Variants in TTC21B observed in about 807,000 individuals in gnomAD.
TTC21B encodes tetratricopeptide repeat protein 21B.
In TTC21B, 127 loss-of-function variants were observed where a neutral mutation model predicts 175.1. That is an observed-to-expected ratio of 0.73 (90% CI 0.63 to 0.84). TTC21B has a LOEUF of 0.84. Among genes scored for constraint, TTC21B ranks in the 40% least tolerant of loss-of-function variants. The pLI, the probability that TTC21B is intolerant of heterozygous loss-of-function variation, is 0.00. For synonymous variants in TTC21B, 524 were observed against 524.5 expected, an observed-to-expected ratio of 1.00 and a Z score of 0.01; for missense variants, 1,561 against 1,558.3, an observed-to-expected ratio of 1.00 and a Z score of -0.03.
At position 165,907,755 on chromosome 2, in the gene TTC21B, C is replaced by T. The variant is rs999498695; in HGVS notation, c.2491G>A (p.Gly831Arg). Reference protein sequence around the residue: ...VNELSALMEDGRCQVLLAKVY... With the variant: ...VNELSALMEDRRCQVLLAKVY... ...TTTGCTAGAAGAACTTGACAACGTC[C>T]ATCCTCCATGAGAGCTGACAGTTCA... The change falls in exon 19 of 29, where the codon GGA becomes AGA. Residue 831 changes from glycine to arginine, a missense_variant. Coordinates refer to ENST00000243344, the MANE Select transcript of TTC21B (RefSeq NM_024753.5). The T allele has an allele frequency of 2.5e-6, 4 of 1,612,850 alleles. No individual in the cohort carries two copies. The African/African-American group carries it at 4.0e-5, about 16-fold the overall frequency.
intron 6 of TTC21B, among the ~76,000 whole-genome samples, chr2:165,937,688 A>G (rs1687202547): frequency 6.6e-6 from 1 of 151,830 alleles, no homozygotes; most frequent in African/African-American, 2.4e-5. Flanking sequence ...AAAGAGAAAA[A>G]CAAGTTTAAA....
chr2:165,918,023 A>G lies in TTC21B; in HGVS notation c.1675-542T>C, dbSNP rs369023302. ...ATACAGAAAACATAAGAAAATGATA[A>G]AAATGAGGTGGGAAAAAGAAGTCAA... is the stretch of plus-strand genomic sequence containing the variant. On this transcript the variant is annotated intron_variant, in intron 13 of 28. Coordinates refer to ENST00000243344, the MANE Select transcript of TTC21B (RefSeq NM_024753.5). 1.4e-3 allele frequency among the ~76,000 whole-genome samples: 219 copies of G among 152,324 alleles called. No individual in the cohort carries two copies. In the South Asian group the frequency reaches 0.015, roughly 10 times the overall value.
chr2:165,924,930 A>G (rs1269131272), intron 11 of TTC21B, among the ~76,000 whole-genome samples: 1 of 149,748 alleles, frequency 6.7e-6, no homozygotes, highest in Non-Finnish European at 1.5e-5. Flanking sequence ...ATACAATTCT[A>G]AATGGATAAC....
chr2:165,899,983 G>T, intron 20 of TTC21B, 103 bp from the exon 21 acceptor site: 1 of 353,224 alleles, frequency 2.8e-6, no homozygotes, highest in Non-Finnish European at 5.5e-6. Flanking sequence ...AAAAGTCATT[G>T]CAATAAAATG....
intron 27 of TTC21B, among the ~76,000 whole-genome samples, chr2:165,877,639 C>T (rs893168308): frequency 6.6e-6 from 1 of 152,052 alleles, no homozygotes; most frequent in Non-Finnish European, 1.5e-5. Context: ...TCTAATGATG[C>T]ATATCTCAGA....
chr2:165,914,517 T>G (rs892148917), intron 15 of TTC21B, among the ~76,000 whole-genome samples: 1 of 152,180 alleles, frequency 6.6e-6, no homozygotes, highest in Non-Finnish European at 1.5e-5. Context: ...TTGAGTTTGA[T>G]ATAATATAGA....
At chr2:165,908,561 C>T (rs1685823244) in intron 18 of TTC21B, among the ~76,000 whole-genome samples, 1 of 152,098 alleles carries the variant, frequency 6.6e-6, no homozygotes, top group African/African-American at 2.4e-5. Context: ...CACGCCATGC[C>T]ACTTTACCAA....
chr2:165,903,526 T>C (rs1404969606), intron 19 of TTC21B, among the ~76,000 whole-genome samples: 1 of 152,178 alleles, frequency 6.6e-6, no homozygotes, highest in African/African-American at 2.4e-5. Context: ...CTGGTGTCAC[T>C]GTGAAGAACT....
At chr2:165,939,740 A>G (rs1350700487) in intron 6 of TTC21B, among the ~76,000 whole-genome samples, 3 of 152,110 alleles carry the variant, frequency 2.0e-5, no homozygotes, top group African/African-American at 4.8e-5. Flanking sequence ...CAAACTTACA[A>G]TGTTGAAAGC....
intron 19 of TTC21B, among the ~76,000 whole-genome samples, chr2:165,904,902 G>A (rs1351442386): frequency 6.6e-6 from 1 of 152,072 alleles, no homozygotes; most frequent in Admixed American, 6.5e-5. Context: ...GATCCTATCT[G>A]GGGAACAGTA....
Position 165,938,477 on chromosome 2 carries a change from A to T in TTC21B, c.710+2550T>A, listed in dbSNP as rs117563871. Among the ~76,000 whole-genome samples the T allele has an allele frequency of 3.2e-3, 493 of 152,296 alleles. 17 individuals are homozygous for T. The East Asian group carries it at 0.078, about 24-fold the overall frequency. On this transcript the variant is annotated intron_variant, in intron 6 of 28. Transcript: ENST00000243344. ...TTCTGTCACTGTGATGAAAGACAAC[A>T]GTACCACTCATGAAGTAATTGCCAA...
At chr2:165,939,383 T>A (rs940542253) in intron 6 of TTC21B, among the ~76,000 whole-genome samples, 1 of 152,220 alleles carries the variant, frequency 6.6e-6, no homozygotes, top group Non-Finnish European at 1.5e-5. Flanking sequence ...TTCTATGCAA[T>A]TTATACTTCA....
intron 27 of TTC21B, among the ~76,000 whole-genome samples, chr2:165,877,073 T>C (rs1374954479): frequency 6.6e-6 from 1 of 152,192 alleles, no homozygotes; most frequent in Non-Finnish European, 1.5e-5. Flanking sequence ...TGTTGTTCTC[T>C]TGTAACATGC....
rs762066756 is a variant in TTC21B at position 165,917,321 on chromosome 2, T to A, written c.1835A>T (p.Asp612Val). The A allele has an allele frequency of 6.2e-7, 1 of 1,614,230 alleles. No individual in the cohort carries two copies. The highest frequency in any genetic ancestry group is 1.7e-5 in the Admixed American group (1 of 60,024). ...TKSKDRKTEV[D>V]TSHRLSIFLE... is the part of the protein sequence containing the mutation. ...AAAGATCGATAAACGATGGCTTGTA[T>A]CAACTTCAGTTTTTCTGTCTTTTGA... Residue 612 changes from aspartate to valine, a missense_variant, in exon 14 of 29, where the codon GAT becomes GTT. Physicochemically the swap from Asp to Val is radical, Grantham distance 152. Coordinates refer to ENST00000243344, the MANE Select transcript of TTC21B (RefSeq NM_024753.5).
In TTC21B at chr2:165,907,671, T is replaced by C. The variant is rs1444522199; in HGVS notation, c.2568+7A>G. The C allele has an allele frequency of 2.5e-6, 4 of 1,577,682 alleles. No individual in the cohort carries two copies. In the Admixed American group the frequency reaches 5.0e-5, roughly 20 times the overall value. On this transcript the variant is annotated splice_region_variant and intron_variant, in intron 19 of 28. Coordinates refer to ENST00000243344, the MANE Select transcript of TTC21B (RefSeq NM_024753.5). ...TCATGACCACACTCACAGACAAATG[T>C]GTTTACCTGTTGTAATGCAGTGATC...
chr2:165,897,216 A>C (rs1388735431), intron 22 of TTC21B, among the ~76,000 whole-genome samples: 2 of 152,170 alleles, frequency 1.3e-5, no homozygotes, highest in Non-Finnish European at 2.9e-5. Flanking sequence ...TTTTCAATGA[A>C]AGTATTTCTA....
intron 17 of TTC21B, 27 bp from the exon 18 acceptor site, chr2:165,911,492 G>A: frequency 6.2e-7 from 1 of 1,613,170 alleles, no homozygotes; most frequent in South Asian, 1.1e-5. Flanking sequence ...CCATTTAAGG[G>A]AACAAGGCAA....
intron 6 of TTC21B, among the ~76,000 whole-genome samples, chr2:165,940,601 T>C (rs1687328932): frequency 6.6e-6 from 1 of 152,180 alleles, no homozygotes; most frequent in Admixed American, 6.5e-5. Context: ...TTACCTTCTT[T>C]AGAAGATGGC....
intron 1 of TTC21B, among the ~76,000 whole-genome samples, chr2:165,953,072 G>A (rs1687808408): frequency 6.6e-6 from 1 of 152,162 alleles, no homozygotes. Flanking sequence ...TTTGCTGAAC[G>A]AGTGATTCAG....
Sources: gnomAD v4.1 joint callset for allele counts (sites outside exome capture counted in the v4.1 genomes callset) on GRCh38, gnomAD v4.1.1 for gene constraint, MANE v1.5 for transcripts, NCBI Gene and HGNC (gene_info 2026-07-23, HGNC 2026-07-21) for gene names.